VEPH1: variants seen among roughly 807,000 people sequenced by gnomAD.
The protein encoded by VEPH1 is ventricular zone expressed PH domain containing 1.
VEPH1 carries 80 observed loss-of-function variants against 85.2 expected under a neutral mutation model. The observed-to-expected ratio is 0.94, with a 90% CI of 0.78 to 1.13. VEPH1 has a LOEUF of 1.13. Among genes scored for constraint, VEPH1 ranks in the 50% most tolerant of loss-of-function variants. The pLI is 0.00. For missense variants in VEPH1, 955 were observed against 980.5 expected (o/e 0.97, Z 0.35); for synonymous variants, 297 against 348.0 (o/e 0.85, Z 1.63).
intron 12 of VEPH1, among the ~76,000 whole-genome samples, chr3:157,277,766 A>G (rs562853161): frequency 1.3e-4 from 20 of 152,366 alleles, no homozygotes; most frequent in Non-Finnish European, 2.9e-4. Context: ...TATATCACAC[A>G]TTCTATTAAC....
At chr3:157,353,993 A>G (rs893809688) in intron 9 of VEPH1, among the ~76,000 whole-genome samples, 6 of 152,176 alleles carry the variant, frequency 3.9e-5, no homozygotes, top group African/African-American at 1.4e-4. Context: ...AAACTACAAT[A>G]ACGGACGCAG....
At chr3:157,313,967 C>G (rs933962951) in intron 10 of VEPH1, among the ~76,000 whole-genome samples, 6 of 151,752 alleles carry the variant, frequency 4.0e-5, no homozygotes, top group Admixed American at 1.3e-4. Flanking sequence ...GATACTGAGG[C>G]GGGAGGATCG....
chr3:157,349,162 A>G (rs1239897005), intron 9 of VEPH1, among the ~76,000 whole-genome samples: 4 of 152,230 alleles, frequency 2.6e-5, no homozygotes, highest in Admixed American at 2.6e-4. Flanking sequence ...AAATCTAACA[A>G]CACCTCAAAA....
At chr3:157,361,514 A>G (rs1500918) in intron 9 of VEPH1, among the ~76,000 whole-genome samples, 34,437 of 152,210 alleles carry the variant, frequency 0.23, 4,758 homozygotes, top group Admixed American at 0.42. Flanking sequence ...CTATTCTTCA[A>G]CTATTTTTCT....
At chr3:157,263,874 T>C (rs1282676804) in intron 13 of VEPH1, among the ~76,000 whole-genome samples, 1 of 152,252 alleles carries the variant, frequency 6.6e-6, no homozygotes, top group Non-Finnish European at 1.5e-5. Flanking sequence ...GAATGAATTA[T>C]AATTTTTAAC....
intron 2 of VEPH1, among the ~76,000 whole-genome samples, chr3:157,472,538 G>T (rs576899502): frequency 1.3e-5 from 2 of 151,910 alleles, no homozygotes; most frequent in Non-Finnish European, 2.9e-5. Flanking sequence ...TTTATTTTAA[G>T]TTCAGGGGTA....
At chr3:157,265,429 A>G in intron 13 of VEPH1, 97 bp downstream of exon 13, 1 of 1,367,508 alleles carries the variant, frequency 7.3e-7, no homozygotes, top group Non-Finnish European at 9.9e-7. Flanking sequence ...TGGAGATGGA[A>G]AAATTATTAG....
At chr3:157,460,158 C>T (rs776091762) in intron 4 of VEPH1, 23 bp downstream of exon 4, 1 of 1,614,082 alleles carries the variant, frequency 6.2e-7, no homozygotes, top group East Asian at 2.2e-5. Context: ...AACATGTCCC[C>T]AAGCTCAACT....
chr3:157,381,028 T>C, intron 7 of VEPH1, 128 bp downstream of exon 7: 4 of 886,472 alleles, frequency 4.5e-6, no homozygotes, highest in Non-Finnish European at 7.0e-6. Flanking sequence ...CCATAATTTA[T>C]ACAGATATTA....
intron 1 of VEPH1, chr3:157,499,767 C>G (rs990385895): frequency 6.6e-6 from 1 of 152,058 alleles, no homozygotes; most frequent in Admixed American, 6.6e-5. Context: ...GAATGGGGGG[C>G]GGGGGCGAGC....
At chr3:157,313,861 G>A (rs926338040) in intron 10 of VEPH1, 106 bp from the exon 11 acceptor site, 1 of 1,335,692 alleles carries the variant, frequency 7.5e-7, no homozygotes. Context: ...ACTTTAACAT[G>A]ATTTAATTTT....
chr3:157,325,811 TC>T (rs1165464244), intron 9 of VEPH1, among the ~76,000 whole-genome samples: 1 of 152,212 alleles, frequency 6.6e-6, no homozygotes. Flanking sequence ...TCTTGGCTAT[TC>T]AGGCTCTTCT....
At chr3:157,413,841 G>A (rs751811268) in intron 6 of VEPH1, 40 bp downstream of exon 6, 2 of 1,598,476 alleles carry the variant, frequency 1.3e-6, no homozygotes, top group Non-Finnish European at 1.7e-6. Context: ...TTAAGTGCCA[G>A]TGCAATTCAG....
intron 2 of VEPH1, among the ~76,000 whole-genome samples, chr3:157,492,167 T>C (rs980138591): frequency 2.0e-5 from 3 of 152,102 alleles, no homozygotes; most frequent in African/African-American, 7.2e-5. Context: ...GTGAGTTAGA[T>C]GTAATCTCAG....
intron 9 of VEPH1, among the ~76,000 whole-genome samples, chr3:157,356,213 A>G (rs1725411077): frequency 6.6e-6 from 1 of 152,162 alleles, no homozygotes; most frequent in Non-Finnish European, 1.5e-5. Context: ...ATCTTTTTAT[A>G]AGAAAAACAA....
intron 6 of VEPH1, among the ~76,000 whole-genome samples, chr3:157,392,614 T>C (rs984034758): frequency 1.1e-5 from 1 of 91,784 alleles, no homozygotes; most frequent in Non-Finnish European, 2.2e-5. Context: ...TAATAGCTGA[T>C]GATCTAAAAA....
At position 157,356,831 on chromosome 3, in the gene VEPH1, G is replaced by A. The variant is rs139323609; in HGVS notation, c.1735+6533C>T. On this transcript the variant is annotated intron_variant, in intron 9 of 13. Coordinates refer to ENST00000362010, the MANE Select transcript of VEPH1 (RefSeq NM_001167912.2). Reference sequence around the variant, plus strand: ...CTGAAATTTGGTTTGTGGCAAACTGGATTGGAATGTACTCTTCTGCTGGGG... The same window carrying A: ...CTGAAATTTGGTTTGTGGCAAACTGAATTGGAATGTACTCTTCTGCTGGGG... Among the ~76,000 whole-genome samples the A allele has an allele frequency of 3.9e-5, 6 of 152,282 alleles. No homozygotes were observed. In the East Asian group the frequency reaches 9.6e-4, roughly 24 times the overall value.
Position 157,363,649 on chromosome 3 carries a change from G to A in VEPH1, c.1450C>T (p.Pro484Ser). 1 of 1,614,004 alleles carries A rather than the reference G, an allele frequency of 6.2e-7. No homozygotes were observed. Among genetic ancestry groups the A allele is most frequent in the Non-Finnish European group, 8.5e-7 (1 of 1,180,000 alleles). The change falls in exon 9 of 14, where the codon CCA becomes TCA. Residue 484 changes from proline (P) to serine (S), a missense_variant. Coordinates refer to ENST00000362010, the MANE Select transcript of VEPH1 (RefSeq NM_001167912.2). ...AGCTTGTCATTTCCTTGGCCAAGTG[G>A]GTCTATTTCTGAAAGAGAGATGCTG... Reference protein sequence around the residue: ...PASISLSEIDPLGQGNDKLPF... With the variant: ...PASISLSEIDSLGQGNDKLPF...
At chr3:157,442,045 C>CA (rs1408290348) in intron 4 of VEPH1, among the ~76,000 whole-genome samples, 1 of 152,054 alleles carries the variant, frequency 6.6e-6, no homozygotes, top group Non-Finnish European at 1.5e-5. Flanking sequence ...TAAAAAAAAG[C>CA]AGTAACAAAG....
Sources: gnomAD v4.1 joint callset for allele counts (sites outside exome capture counted in the v4.1 genomes callset) on GRCh38, gnomAD v4.1.1 for gene constraint, MANE v1.5 for transcripts, NCBI Gene and HGNC (gene_info 2026-07-23, HGNC 2026-07-21) for gene names.